TRPM8: variants seen among roughly 807,000 people sequenced by gnomAD.
The protein encoded by TRPM8 is TRPM8 cationic channel.
TRPM8 carries 110 observed loss-of-function variants against 133.7 expected under a neutral mutation model. That is an observed-to-expected ratio of 0.82 (90% CI 0.70 to 0.96). The LOEUF (loss-of-function observed/expected upper bound fraction) is 0.96, where lower values mean the gene tolerates loss of function less well. Ranked by LOEUF, TRPM8 falls within the 40% of genes least tolerant of loss-of-function variation. The pLI is 0.00. For missense variants in TRPM8, 1,291 were observed against 1,379.5 expected, an observed-to-expected ratio of 0.94 and a Z score of 1.02; for synonymous variants, 535 against 532.3, an observed-to-expected ratio of 1.01 and a Z score of -0.07.
intron 22 of TRPM8, among the ~76,000 whole-genome samples, chr2:234,004,957 G>A (rs1384473763): frequency 6.6e-6 from 1 of 152,166 alleles, no homozygotes; most frequent in African/African-American, 2.4e-5. Flanking sequence ...TCGTGGAGTA[G>A]TATTCCAGCC....
chr2:233,986,048 G>C (rs1469784204), intron 21 of TRPM8, among the ~76,000 whole-genome samples, 183 bp downstream of exon 21: 1 of 152,186 alleles, frequency 6.6e-6, no homozygotes, highest in East Asian at 1.9e-4. Context: ...AATATAAGCT[G>C]TGCCTTGAGT....
intron 5 of TRPM8, among the ~76,000 whole-genome samples, chr2:233,940,043 G>T (rs1690865710): frequency 1.4e-5 from 2 of 141,708 alleles, no homozygotes; most frequent in African/African-American, 2.9e-5. Context: ...AATCGATTTA[G>T]CTTTGTTTTT....
intron 25 of TRPM8, among the ~76,000 whole-genome samples, chr2:234,016,339 T>C (rs1347664089): frequency 5.9e-5 from 9 of 152,336 alleles, no homozygotes; most frequent in South Asian, 4.2e-4. Flanking sequence ...ACTTTTTGTA[T>C]GCTTTTTACT....
intron 3 of TRPM8, among the ~76,000 whole-genome samples, chr2:233,935,501 T>G (rs1318604156): frequency 6.8e-6 from 1 of 147,590 alleles, no homozygotes; most frequent in East Asian, 2.0e-4. Flanking sequence ...ATGGAGGCAC[T>G]GATCTTACCA....
chr2:233,926,512 C>G (rs1476343971), intron 1 of TRPM8, 21 bp from the exon 2 acceptor site: 1 of 1,581,128 alleles, frequency 6.3e-7, no homozygotes, highest in Admixed American at 1.7e-5. Context: ...CCAAACTTAT[C>G]CCCTCCAACC....
intron 11 of TRPM8, 105 bp downstream of exon 11, chr2:233,955,355 A>T: frequency 1.3e-6 from 1 of 793,584 alleles, no homozygotes; most frequent in Non-Finnish European, 2.1e-6. Context: ...AATCTCTTAA[A>T]GGATTGTTCT....
At chr2:233,999,823 C>A (rs550061558) in intron 22 of TRPM8, among the ~76,000 whole-genome samples, 1 of 152,356 alleles carries the variant, frequency 6.6e-6, no homozygotes, top group East Asian at 1.9e-4. Context: ...ACATCTGCAG[C>A]TGCATTCACC....
chr2:234,014,741 T>C (rs1332912455), intron 25 of TRPM8, 87 bp downstream of exon 25: 3 of 517,802 alleles, frequency 5.8e-6, no homozygotes, highest in Non-Finnish European at 1.0e-5. Flanking sequence ...TCCTCAGTTA[T>C]TTTATTTCCA....
At position 233,981,906 on chromosome 2, in the gene TRPM8, G is replaced by A. The variant is rs1692019016; in HGVS notation, c.2580G>A (p.Leu860=). ...SRNLGPKIIM[L]QRMLIDVFFF... is the part of the protein sequence containing the mutation. ...ACTTAGGACCCAAGATTATAATGCT[G>A]CAGAGGATGGTAAGAGTCAAGAATA... The change falls in exon 19 of 26, where the codon CTG becomes CTA. Residue 860 remains leucine (L), a synonymous_variant. Transcript: ENST00000324695. 6.2e-7 allele frequency: 1 copy of A among 1,608,792 alleles called. No homozygotes were observed. Among genetic ancestry groups the A allele is most frequent in the East Asian group, 2.2e-5 (1 of 44,780 alleles).
At chr2:234,014,980 G>C (rs1022635295) in intron 25 of TRPM8, among the ~76,000 whole-genome samples, 1 of 152,140 alleles carries the variant, frequency 6.6e-6, no homozygotes, top group African/African-American at 2.4e-5. Flanking sequence ...AGGTCACACT[G>C]TTCCAAGTTC....
chr2:233,975,390 T>A (rs547060766), intron 17 of TRPM8, among the ~76,000 whole-genome samples: 1 of 152,256 alleles, frequency 6.6e-6, no homozygotes, highest in South Asian at 2.1e-4. Flanking sequence ...CTCAAGGGTG[T>A]TCTCTAGGGC....
intron 11 of TRPM8, among the ~76,000 whole-genome samples, chr2:233,959,553 T>A (rs1691381116): frequency 6.7e-6 from 1 of 149,424 alleles, no homozygotes; most frequent in Non-Finnish European, 1.5e-5. Flanking sequence ...TCAATTGATC[T>A]GCCCACCTCG....
intron 21 of TRPM8, among the ~76,000 whole-genome samples, chr2:233,988,229 T>A (rs566093156): frequency 6.6e-6 from 1 of 152,198 alleles, no homozygotes; most frequent in South Asian, 2.1e-4. Flanking sequence ...CACATACTTG[T>A]CCTCTGTCTG....
chr2:233,945,204 A>G (rs969651996), intron 6 of TRPM8, among the ~76,000 whole-genome samples: 1 of 152,198 alleles, frequency 6.6e-6, no homozygotes, highest in Non-Finnish European at 1.5e-5. Context: ...TTTAAAACCT[A>G]AATGCCTTTG....
chr2:233,992,648 T>G (rs969477890), intron 21 of TRPM8, among the ~76,000 whole-genome samples: 1 of 152,176 alleles, frequency 6.6e-6, no homozygotes, highest in African/African-American at 2.4e-5. Context: ...TCCAGCCAGC[T>G]AGGTGTTTGC....
At chr2:233,932,032 G>C (rs1298433882) in intron 3 of TRPM8, among the ~76,000 whole-genome samples, 4 of 152,230 alleles carry the variant, frequency 2.6e-5, no homozygotes, top group Non-Finnish European at 5.9e-5. Context: ...TATACCGTCA[G>C]TTGCCTCCCT....
intron 17 of TRPM8, among the ~76,000 whole-genome samples, chr2:233,970,967 G>A: frequency 6.6e-6 from 1 of 152,166 alleles, no homozygotes; most frequent in African/African-American, 2.4e-5. Flanking sequence ...GAACCCAGAA[G>A]TCTAGCTCAG....
At chr2:233,960,013 C>T (rs546456236) in intron 11 of TRPM8, among the ~76,000 whole-genome samples, 2 of 151,808 alleles carry the variant, frequency 1.3e-5, no homozygotes, top group Admixed American at 1.3e-4. Context: ...AAACTCCTGA[C>T]CTCAAGTGAT....
intron 9 of TRPM8, among the ~76,000 whole-genome samples, chr2:233,951,519 C>G (rs17862928): frequency 6.6e-6 from 1 of 152,118 alleles, no homozygotes; most frequent in Non-Finnish European, 1.5e-5. Flanking sequence ...CCATGTCCAA[C>G]GAATAGAGGC....
Sources: gnomAD v4.1 joint callset for allele counts (sites outside exome capture counted in the v4.1 genomes callset) on GRCh38, gnomAD v4.1.1 for gene constraint, MANE v1.5 for transcripts, NCBI Gene and HGNC (gene_info 2026-07-23, HGNC 2026-07-21) for gene names.